The following CACNA2D3 variants were observed in gnomAD, a reference collection of about 807,000 sequenced individuals.
The protein encoded by CACNA2D3 is calcium voltage-gated channel auxiliary subunit alpha2delta 3.
In CACNA2D3, 60 loss-of-function variants were observed where a neutral mutation model predicts 160.6. The ratio of observed to expected loss-of-function variants is 0.37; its 90% confidence interval spans 0.30 to 0.46. The LOEUF (loss-of-function observed/expected upper bound fraction) is 0.46. Among genes scored for constraint, CACNA2D3 ranks in the 20% least tolerant of loss-of-function variants. The pLI is 1.00. For missense variants in CACNA2D3, 1,205 were observed against 1,365.0 expected (o/e 0.88, Z 1.85); for synonymous variants, 558 against 492.9 (o/e 1.13, Z -1.75).
intron 31 of CACNA2D3, 56 bp downstream of exon 31, chr3:54,987,809 A>G: frequency 7.4e-7 from 1 of 1,353,874 alleles, no homozygotes; most frequent in Non-Finnish European, 1.0e-6. Context: ...AATAAAATAA[A>G]ACAAGCCAAG....
intron 2 of CACNA2D3, among the ~76,000 whole-genome samples, chr3:54,193,707 C>T (rs533902351): frequency 6.6e-6 from 1 of 152,258 alleles, no homozygotes; most frequent in East Asian, 1.9e-4. Context: ...GGACCCCCAG[C>T]CTGGATGAGT....
chr3:54,218,705 T>C (rs999101894), intron 2 of CACNA2D3, among the ~76,000 whole-genome samples: 5 of 152,228 alleles, frequency 3.3e-5, no homozygotes, highest in African/African-American at 9.6e-5. Flanking sequence ...AAGTCCAAAA[T>C]TGATTTTATA....
At chr3:54,242,898 C>G (rs754431269) in intron 2 of CACNA2D3, among the ~76,000 whole-genome samples, 12 of 152,176 alleles carry the variant, frequency 7.9e-5, no homozygotes, top group Non-Finnish European at 1.3e-4. Context: ...TTTTGTTTTG[C>G]TATTGCTGCT....
intron 27 of CACNA2D3, among the ~76,000 whole-genome samples, chr3:54,953,630 G>A (rs574849770): frequency 6.6e-6 from 1 of 152,296 alleles, no homozygotes; most frequent in East Asian, 1.9e-4. Context: ...AAAGACTTCT[G>A]TCCATGCTAA....
intron 11 of CACNA2D3, among the ~76,000 whole-genome samples, chr3:54,722,162 G>A (rs1022166825): frequency 6.6e-6 from 1 of 152,038 alleles, no homozygotes; most frequent in Non-Finnish European, 1.5e-5. Context: ...CATTAAGTTG[G>A]TTTTCAATCA....
At chr3:54,934,570 A>C (rs1477112665) in intron 27 of CACNA2D3, among the ~76,000 whole-genome samples, 1 of 152,194 alleles carries the variant, frequency 6.6e-6, no homozygotes, top group Non-Finnish European at 1.5e-5. Flanking sequence ...GTATGCCTCC[A>C]GCCTCCCTAA....
At chr3:55,035,005 G>T (rs1703782400) in intron 35 of CACNA2D3, among the ~76,000 whole-genome samples, 1 of 151,796 alleles carries the variant, frequency 6.6e-6, no homozygotes, top group African/African-American at 2.4e-5. Flanking sequence ...TGCCTATTTT[G>T]GGACATAAGA....
At chr3:54,991,059 G>C (rs115978482) in intron 31 of CACNA2D3, among the ~76,000 whole-genome samples, 1 of 152,018 alleles carries the variant, frequency 6.6e-6, no homozygotes, top group African/African-American at 2.4e-5. Context: ...GGCTGCGTTC[G>C]CTGAGCACCC....
intron 27 of CACNA2D3, among the ~76,000 whole-genome samples, chr3:54,919,556 C>G (rs1019066870): frequency 2.0e-5 from 3 of 152,102 alleles, no homozygotes; most frequent in African/African-American, 7.2e-5. Context: ...TTTCCATTAC[C>G]TGTAAGGTGA....
chr3:54,822,796 TTTCTTTC>T lies in CACNA2D3; in HGVS notation c.1398+5929_1398+5935del, dbSNP rs1335897277. ...TTTCTTTCTTTCTTTCTTTCCTTTC[TTTCTTTC>T]TTTCTTTCTTTCTTTCTTTCTTTCT... On this transcript the variant is annotated intron_variant, in intron 14 of 37. Transcript: ENST00000474759. Among the ~76,000 whole-genome samples the T allele has an allele frequency of 1.3e-4, 12 of 90,536 alleles. 1 individual carries two copies. Among genetic ancestry groups the T allele is most frequent in the African/African-American group, 5.0e-4 (10 of 19,816 alleles). 59.4% of individuals were successfully genotyped at this position (90,536 alleles called of 152,430 possible).
At chr3:54,207,787 C>A (rs947683043) in intron 2 of CACNA2D3, among the ~76,000 whole-genome samples, 26 of 152,038 alleles carry the variant, frequency 1.7e-4, no homozygotes, top group Admixed American at 8.5e-4. Context: ...TGTGTCACTT[C>A]ATCATGGGAG....
At chr3:54,457,933 A>G (rs1300412328) in intron 4 of CACNA2D3, among the ~76,000 whole-genome samples, 2 of 152,030 alleles carry the variant, frequency 1.3e-5, no homozygotes, top group Non-Finnish European at 2.9e-5. Context: ...TTGTATGGAT[A>G]TCATTTTTCT....
chr3:54,855,972 G>A (rs1575513463), intron 17 of CACNA2D3, among the ~76,000 whole-genome samples: 2 of 152,080 alleles, frequency 1.3e-5, no homozygotes, highest in Admixed American at 1.3e-4. Flanking sequence ...CCCACAGAGG[G>A]GTCTGTCCCC....
At chr3:54,424,294 A>G (rs1406736995) in intron 4 of CACNA2D3, among the ~76,000 whole-genome samples, 3 of 152,210 alleles carry the variant, frequency 2.0e-5, no homozygotes, top group African/African-American at 4.8e-5. Context: ...GTGCAGGTGC[A>G]GCTGTGAGGA....
chr3:55,008,886 T>TACACACGCAC (rs1491125549), intron 33 of CACNA2D3, among the ~76,000 whole-genome samples: 23 of 53,350 alleles, frequency 4.3e-4, no homozygotes, highest in African/African-American at 1.6e-3. Context: ...CACCTCCCTC[T>TACACACGCAC]ATACACACAC....
intron 25 of CACNA2D3, among the ~76,000 whole-genome samples, 158 bp downstream of exon 25, chr3:54,891,608 C>T (rs79553882): frequency 0.023 from 3,456 of 152,290 alleles, 136 homozygotes; most frequent in African/African-American, 0.074. Context: ...ACCATGCGGG[C>T]CCCAGCATGT....
intron 2 of CACNA2D3, among the ~76,000 whole-genome samples, chr3:54,195,615 G>T (rs1701064322): frequency 6.6e-6 from 1 of 152,214 alleles, no homozygotes; most frequent in Admixed American, 6.5e-5. Flanking sequence ...GGTGCCCAAG[G>T]TCCTGTGGGG....
intron 13 of CACNA2D3, among the ~76,000 whole-genome samples, chr3:54,800,817 T>C (rs1702967946): frequency 1.3e-5 from 2 of 152,188 alleles, no homozygotes; most frequent in Admixed American, 1.3e-4. Context: ...ACATTGCTGC[T>C]AACTAATCTG....
intron 9 of CACNA2D3, among the ~76,000 whole-genome samples, chr3:54,582,548 C>G (rs1051440367): frequency 1.3e-5 from 2 of 152,220 alleles, no homozygotes; most frequent in African/African-American, 4.8e-5. Context: ...CACTATACCA[C>G]CCCTGCAGGG....
Sources: allele counts gnomAD v4.1 joint callset (sites outside exome capture counted in the v4.1 genomes callset), GRCh38; gene constraint gnomAD v4.1.1; transcripts MANE v1.5; gene names NCBI Gene and HGNC (gene_info 2026-07-23, HGNC 2026-07-21).